The following PTPRD variants were observed in gnomAD, a reference collection of about 807,000 sequenced individuals.
The protein encoded by PTPRD is receptor-type tyrosine-protein phosphatase delta.
PTPRD carries 34 observed loss-of-function variants against 214.5 expected under a neutral mutation model. That is an observed-to-expected ratio of 0.16 (90% CI 0.12 to 0.21). The LOEUF (loss-of-function observed/expected upper bound fraction) is 0.21, where lower values mean the gene tolerates loss of function less well. PTPRD is among the 10% of genes least tolerant of loss of function. PTPRD has a pLI of 1.00. For missense variants in PTPRD, 2,545 were observed against 2,398.7 expected, an observed-to-expected ratio of 1.06 and a Z score of -1.27; for synonymous variants, 1,128 against 845.7, an observed-to-expected ratio of 1.33 and a Z score of -5.79.
chr9:10,245,528 A>G (rs145977593), intron 3 of PTPRD, among the ~76,000 whole-genome samples: 4 of 152,324 alleles, frequency 2.6e-5, no homozygotes, highest in Non-Finnish European at 1.5e-5. Flanking sequence ...CAAGCACTAC[A>G]TGATAAATAT....
At chr9:10,404,093 A>G (rs543618736) in intron 2 of PTPRD, among the ~76,000 whole-genome samples, 1 of 151,758 alleles carries the variant, frequency 6.6e-6, no homozygotes, top group Non-Finnish European at 1.5e-5. Context: ...GTGAAGGTAG[A>G]CAGTGTATGC....
At chr9:9,886,496 G>A (rs1244113163) in intron 5 of PTPRD, among the ~76,000 whole-genome samples, 3 of 152,040 alleles carry the variant, frequency 2.0e-5, no homozygotes, top group African/African-American at 4.8e-5. Flanking sequence ...CCCATGGGAG[G>A]GATGTAAATT....
intron 3 of PTPRD, among the ~76,000 whole-genome samples, chr9:10,107,402 C>T (rs924737805): frequency 4.6e-5 from 7 of 152,034 alleles, no homozygotes; most frequent in African/African-American, 7.2e-5. Context: ...AAACATGACT[C>T]ATTTTTTTGT....
At chr9:10,443,444 A>G (rs998615782) in intron 2 of PTPRD, among the ~76,000 whole-genome samples, 1 of 151,656 alleles carries the variant, frequency 6.6e-6, no homozygotes, top group Admixed American at 6.6e-5. Flanking sequence ...TTGACATACT[A>G]GTATTCCCCT....
intron 9 of PTPRD, among the ~76,000 whole-genome samples, chr9:9,384,343 CTTTTTTTTTTTTT>C (rs869246078): frequency 1.4e-3 from 45 of 33,310 alleles, no homozygotes; most frequent in African/African-American, 2.0e-3. Context: ...GAAGACTAGG[CTTTTTTTTTTTTT>C]TTTTTTTTTT....
chr9:9,589,280 A>G (rs1371891631), intron 7 of PTPRD, among the ~76,000 whole-genome samples: 1 of 151,992 alleles, frequency 6.6e-6, no homozygotes, highest in Non-Finnish European at 1.5e-5. Flanking sequence ...AGGATTTTAT[A>G]CATTTCCTAC....
intron 11 of PTPRD, among the ~76,000 whole-genome samples, chr9:8,867,966 C>T (rs1468128890): frequency 2.0e-5 from 3 of 152,098 alleles, no homozygotes; most frequent in East Asian, 3.9e-4. Context: ...GGCACAAGCA[C>T]ATCCCATTTT....
chr9:9,947,988 T>C (rs1003715707), intron 4 of PTPRD, among the ~76,000 whole-genome samples: 10 of 151,868 alleles, frequency 6.6e-5, no homozygotes, highest in African/African-American at 2.4e-4. Context: ...AATATCCTGG[T>C]AGCAAGATTT....
intron 3 of PTPRD, among the ~76,000 whole-genome samples, chr9:10,289,910 G>C (rs2095480497): frequency 6.6e-6 from 1 of 152,174 alleles, no homozygotes; most frequent in Admixed American, 6.5e-5. Context: ...CTTATGTGCA[G>C]CTGCTGAGGA....
chr9:10,010,781 C>T (rs1010956619), intron 4 of PTPRD, among the ~76,000 whole-genome samples: 2 of 151,894 alleles, frequency 1.3e-5, no homozygotes, highest in Non-Finnish European at 2.9e-5. Context: ...CAAAAGAATG[C>T]TATGAAACTT....
intron 2 of PTPRD, among the ~76,000 whole-genome samples, chr9:10,406,283 G>T (rs1407932): frequency 0.75 from 113,423 of 151,202 alleles, 43,892 homozygotes; most frequent in East Asian, 0.88. Flanking sequence ...CATCTAATAA[G>T]TAACCATTTA....
At chr9:8,548,343 G>C (rs555484439) in intron 14 of PTPRD, among the ~76,000 whole-genome samples, 1 of 152,024 alleles carries the variant, frequency 6.6e-6, no homozygotes, top group South Asian at 2.1e-4. Flanking sequence ...GGGTTCATGT[G>C]TTAGGTTGTA....
intron 36 of PTPRD, 124 bp from the exon 37 acceptor site, chr9:8,389,531 G>C: frequency 1.5e-6 from 1 of 653,362 alleles, no homozygotes; most frequent in Non-Finnish European, 2.4e-6. Flanking sequence ...ACAATATATT[G>C]AAGGTCGGGT....
At chr9:9,488,586 T>C (rs953721494) in intron 8 of PTPRD, among the ~76,000 whole-genome samples, 7 of 152,136 alleles carry the variant, frequency 4.6e-5, no homozygotes, top group Non-Finnish European at 8.8e-5. Context: ...GCTATTATTT[T>C]TAAAGTTAAA....
At chr9:8,643,820 C>G (rs1331856667) in intron 12 of PTPRD, among the ~76,000 whole-genome samples, 1 of 152,208 alleles carries the variant, frequency 6.6e-6, no homozygotes, top group Admixed American at 6.5e-5. Flanking sequence ...CTGCAGATGC[C>G]CCTTGGCGTG....
chr9:9,226,126 G>A (rs531206826), intron 9 of PTPRD, among the ~76,000 whole-genome samples: 1 of 151,802 alleles, frequency 6.6e-6, no homozygotes, highest in Non-Finnish European at 1.5e-5. Context: ...CACTTAAAAG[G>A]CTGCTTTATA....
chr9:10,092,378 T>G (rs148812732), intron 3 of PTPRD, among the ~76,000 whole-genome samples: 2 of 151,408 alleles, frequency 1.3e-5, no homozygotes, highest in African/African-American at 4.8e-5. Flanking sequence ...GACCAATCCA[T>G]TAATTATACA....
At chr9:9,632,807 T>C (rs2154360613) in intron 7 of PTPRD, among the ~76,000 whole-genome samples, 1 of 152,304 alleles carries the variant, frequency 6.6e-6, no homozygotes, top group Admixed American at 6.5e-5. Context: ...TGTGGCACTA[T>C]GGGAACTAAG....
intron 2 of PTPRD, among the ~76,000 whole-genome samples, chr9:10,511,453 T>C (rs543159362): frequency 3.3e-5 from 5 of 152,078 alleles, no homozygotes; most frequent in East Asian, 1.9e-4. Flanking sequence ...ACCCAGGCTG[T>C]AGTGCGATGG....
Sources: allele counts gnomAD v4.1 joint callset (sites outside exome capture counted in the v4.1 genomes callset), GRCh38; gene constraint gnomAD v4.1.1; transcripts MANE v1.5; gene names NCBI Gene and HGNC (gene_info 2026-07-23, HGNC 2026-07-21).